The following STAB2 variants were observed in gnomAD, a reference collection of about 807,000 sequenced individuals.
STAB2 encodes stabilin 2, also known as stabilin-2.
In STAB2, 288 loss-of-function variants were observed where a neutral mutation model predicts 338.1. The ratio of observed to expected loss-of-function variants is 0.85; its 90% CI spans 0.77 to 0.94. The LOEUF (loss-of-function observed/expected upper bound fraction) is 0.94. Ranked by LOEUF, STAB2 falls within the 40% of genes least tolerant of loss-of-function variation. The probability of loss-of-function intolerance (pLI) is 0.00; values close to 1 mark genes in which losing one functional copy is unlikely to be tolerated. For synonymous variants in STAB2, 1,202 were observed against 1,193.3 expected (o/e 1.01, Z -0.15); for missense variants, 3,141 against 3,210.1 (o/e 0.98, Z 0.52).
intron 24 of STAB2, among the ~76,000 whole-genome samples, chr12:103,677,027 A>C (rs1044620275): frequency 6.6e-6 from 1 of 152,018 alleles, no homozygotes; most frequent in African/African-American, 2.4e-5. Context: ...CCTCCTGGTG[A>C]GGCTCCTCCT....
At chr12:103,738,209 TAGTC>T (rs1250943692) in intron 53 of STAB2, among the ~76,000 whole-genome samples, 1 of 152,202 alleles carries the variant, frequency 6.6e-6, no homozygotes, top group Non-Finnish European at 1.5e-5. Context: ...CAATTTCACA[TAGTC>T]AGTCTAATAT....
At chr12:103,734,201 TATAGGAGCAAGCACGATCAC>T (rs1285530032) in intron 51 of STAB2, among the ~76,000 whole-genome samples, 15 of 135,598 alleles carry the variant, frequency 1.1e-4, no homozygotes, top group Non-Finnish European at 1.9e-4. Context: ...AGCACGATCA[TATAGGAGCAAGCACGATCAC>T]ATAGGAGCAA....
At chr12:103,657,226 TAAAAAAA>T (rs140834161) in intron 15 of STAB2, among the ~76,000 whole-genome samples, 1 of 116,410 alleles carries the variant, frequency 8.6e-6, no homozygotes. Context: ...TAAAGTGAGC[TAAAAAAA>T]AAAAAAAAAA....
intron 57 of STAB2, 137 bp downstream of exon 57, chr12:103,745,414 A>G: frequency 1.4e-6 from 1 of 735,418 alleles, no homozygotes; most frequent in Non-Finnish European, 2.1e-6. Context: ...AAGATAATTC[A>G]GATCTGTAGC....
chr12:103,591,095 C>G, intron 2 of STAB2, 65 bp downstream of exon 2: 1 of 1,598,964 alleles, frequency 6.3e-7, no homozygotes, highest in Non-Finnish European at 8.5e-7. Context: ...GTCTCAAAAA[C>G]TGCAAAGCAT....
At chr12:103,720,611 G>C (rs974592595) in intron 44 of STAB2, among the ~76,000 whole-genome samples, 13 of 152,144 alleles carry the variant, frequency 8.5e-5, no homozygotes, top group Non-Finnish European at 1.0e-4. Context: ...AAATAGTCCT[G>C]GTGCTAAATC....
At chr12:103,655,681 T>C in intron 15 of STAB2, 100 bp downstream of exon 15, 1 of 1,446,994 alleles carries the variant, frequency 6.9e-7, no homozygotes, top group Non-Finnish European at 9.3e-7. Context: ...AAATAAGTTG[T>C]ACATGTATCA....
rs1260878192 is a variant in STAB2, at chr12:103,662,974, T to C, written c.1998T>C (p.Asp666=). The change falls in exon 18 of 69, where the codon GAT becomes GAC. Residue 666 remains aspartate, a synonymous_variant. Transcript: ENST00000388887. Reference sequence around the variant, plus strand: ...TCCCGATTCTGCCCCATCGATGTGATGAAACAAAGAGAGAGATGAAACTGG... The same window carrying C: ...TCCCGATTCTGCCCCATCGATGTGACGAAACAAAGAGAGAGATGAAACTGG... ...SIVPILPHRC[D]ETKREMKLGT... 1.9e-6 allele frequency: 3 copies of C among 1,613,868 alleles called. No homozygotes were observed. In the African/African-American group the frequency reaches 4.0e-5, roughly 22 times the overall value.
At chr12:103,742,809 G>C (rs542838636) in intron 56 of STAB2, among the ~76,000 whole-genome samples, 47 of 152,164 alleles carry the variant, frequency 3.1e-4, no homozygotes, top group Non-Finnish European at 5.7e-4. Flanking sequence ...ATGTTCATTC[G>C]ATCATTCAAC....
At chr12:103,700,073 A>C (rs1878729679) in intron 34 of STAB2, among the ~76,000 whole-genome samples, 1 of 152,216 alleles carries the variant, frequency 6.6e-6, no homozygotes, top group African/African-American at 2.4e-5. Flanking sequence ...GGACTAACCG[A>C]CCACCACACT....
intron 33 of STAB2, among the ~76,000 whole-genome samples, chr12:103,697,949 G>C (rs1878541257): frequency 1.3e-5 from 2 of 152,316 alleles, no homozygotes; most frequent in African/African-American, 4.8e-5. Flanking sequence ...CTGAGACCCA[G>C]ACCTCCAGGA....
chr12:103,588,934 T>C (rs1218504452), intron 1 of STAB2, among the ~76,000 whole-genome samples: 2 of 152,094 alleles, frequency 1.3e-5, no homozygotes, highest in African/African-American at 2.4e-5. Context: ...CTGGTAAAAA[T>C]AGAAATTTCA....
chr12:103,704,561 A>T lies in STAB2; in HGVS notation c.3847A>T (p.Arg1283Ter). 6.2e-7 allele frequency: 1 copy of T among 1,613,274 alleles called. No homozygotes were observed. Among genetic ancestry groups the T allele is most frequent in the Middle Eastern group, 1.7e-4 (1 of 6,056 alleles). Residue 1283 changes from arginine (R) to a stop codon, truncating the protein, a stop_gained, in exon 36 of 69, where the codon AGA becomes TGA. Transcript: ENST00000388887. LOFTEE classifies it high-confidence loss of function. ...DNNDTTIIRG[R>*]CRTCSSELTC... ...ATTGCTTTTGTGTTTTACCAAGGGA[A>T]GATGTAGGACATGCTCCTCAGAGCT...
In STAB2 at chr12:103,683,283, G is replaced by A. The variant is rs776338745; in HGVS notation, c.2884G>A (p.Gly962Arg). ...EPITSCLEQTGKCHPLASCQS... is the reference protein window; with the variant it reads ...EPITSCLEQTRKCHPLASCQS... ...AATAACTTCATGCTTGGAACAAACC[G>A]GGAAATGTCATCCATTGGTGAGTTA... The change falls in exon 26 of 69, where the codon GGG (glycine) becomes AGG (arginine). Residue 962 changes from glycine (G) to arginine (R), a missense_variant. Physicochemically the swap from Gly to Arg is moderately radical, Grantham distance 125. Transcript: ENST00000388887. The A allele has an allele frequency of 3.5e-5, 57 of 1,608,380 alleles. No individual in the cohort carries two copies. Among genetic ancestry groups the A allele is most frequent in the Middle Eastern group, 1.6e-4 (1 of 6,066 alleles).
chr12:103,734,936 T>C (rs1342442327), intron 51 of STAB2, among the ~76,000 whole-genome samples: 2 of 152,178 alleles, frequency 1.3e-5, no homozygotes, highest in Non-Finnish European at 2.9e-5. Context: ...GGACTGTCTC[T>C]CCCTGTGTGT....
At chr12:103,638,265 T>C in intron 8 of STAB2, 53 bp downstream of exon 8, 1 of 1,555,832 alleles carries the variant, frequency 6.4e-7, no homozygotes, top group Admixed American at 1.8e-5. Flanking sequence ...CAAGCCACTA[T>C]GTGTCACAGG....
chr12:103,640,502 G>T (rs530657657), intron 9 of STAB2, among the ~76,000 whole-genome samples: 2 of 152,246 alleles, frequency 1.3e-5, no homozygotes, highest in Non-Finnish European at 2.9e-5. Flanking sequence ...CTGATAACTT[G>T]ATATGAAGTG....
At position 103,587,504 on chromosome 12, in the gene STAB2, T is replaced by C. The variant is rs1408828499; in HGVS notation, c.28T>C (p.Cys10Arg). The C allele has an allele frequency of 6.2e-7, 1 of 1,613,968 alleles. No homozygotes were observed. Among genetic ancestry groups the C allele is most frequent in the Non-Finnish European group, 8.5e-7 (1 of 1,179,966 alleles). Residue 10 changes from cysteine to arginine, a missense_variant, in exon 1 of 69, where the codon TGT becomes CGT. Transcript: ENST00000388887. ...GATGCTACAACATTTAGTAATTTTT[T>C]GTCTTGGATTGGTTGTACAAAATTT... MMLQHLVIF[C>R]LGLVVQNFCS...
At chr12:103,620,349 G>T in intron 3 of STAB2, 119 bp from the exon 4 acceptor site, 1 of 890,510 alleles carries the variant, frequency 1.1e-6, no homozygotes, top group Admixed American at 2.6e-5. Context: ...ACACCAACAG[G>T]TTCTGCAATT....
Sources: gnomAD v4.1 joint callset for allele counts (sites outside exome capture counted in the v4.1 genomes callset) on GRCh38, gnomAD v4.1.1 for gene constraint, MANE v1.5 for transcripts, NCBI Gene and HGNC (gene_info 2026-07-23, HGNC 2026-07-21) for gene names.